The following LOXHD1 variants were observed in gnomAD, a reference collection of about 807,000 sequenced individuals.
LOXHD1 encodes the protein lipoxygenase homology PLAT domains 1, also known as lipoxygenase homology domain-containing protein 1.
Under a neutral mutation model 248.2 loss-of-function variants are expected in LOXHD1, and 205 were observed. The observed-to-expected ratio is 0.83, with a 90% CI of 0.74 to 0.93. LOXHD1 has a LOEUF of 0.93. Ranked by LOEUF, LOXHD1 falls within the 40% of genes least tolerant of loss-of-function variation. The pLI is 0.00. For missense variants in LOXHD1, 2,930 were observed against 2,971.6 expected, an observed-to-expected ratio of 0.99 and a Z score of 0.33; for synonymous variants, 1,113 against 1,162.8, an observed-to-expected ratio of 0.96 and a Z score of 0.87.
chr18:46,531,207 C>G (rs1358800900), intron 28 of LOXHD1, among the ~76,000 whole-genome samples: 3 of 152,092 alleles, frequency 2.0e-5, no homozygotes, highest in African/African-American at 7.2e-5. Flanking sequence ...GGGCAGAAAC[C>G]AGGGACCAGC....
intron 39 of LOXHD1, 51 bp from the exon 40 acceptor site, chr18:46,483,796 G>A: frequency 6.5e-7 from 1 of 1,531,424 alleles, no homozygotes; most frequent in Non-Finnish European, 8.8e-7. Flanking sequence ...CACTGAAGCA[G>A]GTAAGCATTT....
intron 14 of LOXHD1, among the ~76,000 whole-genome samples, chr18:46,572,752 C>G (rs2037778112): frequency 6.6e-6 from 1 of 152,090 alleles, no homozygotes; most frequent in Non-Finnish European, 1.5e-5. Context: ...AGGCCCAGCC[C>G]AGGCTGTCGG....
chr18:46,605,505 C>T (rs962743347), intron 6 of LOXHD1, among the ~76,000 whole-genome samples: 1 of 152,046 alleles, frequency 6.6e-6, no homozygotes, highest in Non-Finnish European at 1.5e-5. Context: ...TAGTGCAAGA[C>T]TCCATCTCAA....
intron 4 of LOXHD1, among the ~76,000 whole-genome samples, chr18:46,624,515 T>C (rs986832522): frequency 4.1e-4 from 63 of 152,192 alleles, no homozygotes; most frequent in Non-Finnish European, 5.4e-4. Context: ...CTCCCAGTCA[T>C]GTAGACTCCA....
At position 46,560,536 on chromosome 18, in the gene LOXHD1, C is replaced by A; in HGVS notation, c.2608G>T (p.Ala870Ser). 2 of 1,528,614 alleles carry A rather than the reference C, an allele frequency of 1.3e-6. No homozygotes were observed. The highest frequency in any genetic ancestry group is 2.4e-5 in the South Asian group (2 of 83,646). 94.7% of individuals were successfully genotyped at this position (1,528,614 alleles called of 1,614,324 possible). Residue 870 changes from alanine to serine, a missense_variant, in exon 19 of 41, where the codon GCC becomes TCC. Physicochemically the swap from Ala to Ser is moderately conservative, Grantham distance 99. Coordinates refer to ENST00000642948, the MANE Select transcript of LOXHD1 (RefSeq NM_001384474.1). ...ASKDTFQLEA[A>S]DVGEVYKLRL... is the part of the protein sequence containing the mutation. ...AGCTTATAGACCTCGCCCACGTCGGCCGCCTCAAGCTGTTCAAAGGGCAGG... is the reference window on the plus strand; with the variant it reads ...AGCTTATAGACCTCGCCCACGTCGGACGCCTCAAGCTGTTCAAAGGGCAGG...
At chr18:46,579,447 G>A (rs2037920024) in intron 13 of LOXHD1, among the ~76,000 whole-genome samples, 183 bp downstream of exon 13, 1 of 152,280 alleles carries the variant, frequency 6.6e-6, no homozygotes, top group Middle Eastern at 3.4e-3. Flanking sequence ...AGGCATTGCT[G>A]TGCCCTCCCA....
At chr18:46,525,905 G>C (rs1269043244) in intron 29 of LOXHD1, among the ~76,000 whole-genome samples, 11 of 152,166 alleles carry the variant, frequency 7.2e-5, no homozygotes, top group Admixed American at 7.2e-4. Context: ...TCAGGTGGTG[G>C]GAACAACATC....
At chr18:46,577,369 A>C (rs541619371) in intron 14 of LOXHD1, among the ~76,000 whole-genome samples, 30 of 152,376 alleles carry the variant, frequency 2.0e-4, no homozygotes, top group African/African-American at 7.2e-4. Context: ...TTAAAAGTTT[A>C]ATTCAATCTG....
intron 37 of LOXHD1, among the ~76,000 whole-genome samples, chr18:46,489,684 T>C (rs1038296044): frequency 6.6e-6 from 1 of 152,178 alleles, no homozygotes; most frequent in Non-Finnish European, 1.5e-5. Context: ...TTCTCCATGC[T>C]CCTATAGCCC....
chr18:46,560,574 G>C (rs749027526), intron 18 of LOXHD1, 29 bp from the exon 19 acceptor site: 169 of 1,500,238 alleles, frequency 1.1e-4, no homozygotes, highest in Non-Finnish European at 1.4e-4. Context: ...AGCGGCTGTC[G>C]TGGCCCCAGC....
At chr18:46,593,824 G>A (rs2038215973) in intron 9 of LOXHD1, 64 bp from the exon 10 acceptor site, 1 of 1,525,304 alleles carries the variant, frequency 6.6e-7, no homozygotes, top group African/African-American at 1.4e-5. Flanking sequence ...TATTACCATG[G>A]GGAAGAAGGA....
At chr18:46,526,084 A>G (rs973211051) in intron 29 of LOXHD1, among the ~76,000 whole-genome samples, 2 of 152,162 alleles carry the variant, frequency 1.3e-5, no homozygotes, top group Non-Finnish European at 1.5e-5. Flanking sequence ...GCAGATGTGG[A>G]TGGGAGCAGT....
intron 6 of LOXHD1, among the ~76,000 whole-genome samples, chr18:46,606,036 G>A (rs2038407929): frequency 6.6e-6 from 1 of 152,172 alleles, no homozygotes; most frequent in Admixed American, 6.5e-5. Flanking sequence ...TTCAACTGAT[G>A]TGCTTAAAAG....
chr18:46,574,794 G>T (rs143970741), intron 14 of LOXHD1, among the ~76,000 whole-genome samples: 1 of 152,210 alleles, frequency 6.6e-6, no homozygotes, highest in East Asian at 1.9e-4. Context: ...ACACATGCTG[G>T]CCAGGAAGGT....
intron 12 of LOXHD1, among the ~76,000 whole-genome samples, chr18:46,580,827 G>A (rs1315753484): frequency 6.6e-6 from 1 of 152,166 alleles, no homozygotes; most frequent in Non-Finnish European, 1.5e-5. Flanking sequence ...TATAAAGTTA[G>A]ATAATTCTGG....
At chr18:46,509,632 GC>G (rs1473571346) in intron 35 of LOXHD1, 65 bp downstream of exon 35, 20 of 1,207,718 alleles carry the variant, frequency 1.7e-5, no homozygotes, top group Non-Finnish European at 2.4e-5. Flanking sequence ...CCATTGACAA[GC>G]CAGAGGAACC....
rs142375852 is a variant in LOXHD1 at position 46,531,827 on chromosome 18, C to T, written c.4375+1335G>A. 3.1e-4 allele frequency among the ~76,000 whole-genome samples: 47 copies of T among 152,312 alleles called. No homozygotes were observed. The East Asian group carries it at 8.7e-3, about 28-fold the overall frequency. ...TCCTGGGACAGCATTCCAGGGCATC[C>T]TCTGGGGTCCAAGTTGAGAAGGAAG... On this transcript the variant is annotated intron_variant, in intron 28 of 40. Coordinates refer to ENST00000642948, the MANE Select transcript of LOXHD1 (RefSeq NM_001384474.1).
In LOXHD1 at chr18:46,545,861, C is replaced by A. The variant is rs1167815743; in HGVS notation, c.3515-440G>T. 1.1e-4 allele frequency among the ~76,000 whole-genome samples: 16 copies of A among 151,842 alleles called. No individual in the cohort carries two copies. In the East Asian group the frequency reaches 3.1e-3, roughly 29 times the overall value. ...AGCCGGGATGGTCTCGATCTCCTGA[C>A]CTCGTGATCCGCCCGCCTCGGCCTC... is the stretch of plus-strand genomic sequence containing the variant. On this transcript the variant is annotated intron_variant, in intron 22 of 40. Coordinates refer to ENST00000642948, the MANE Select transcript of LOXHD1 (RefSeq NM_001384474.1).
chr18:46,525,304 G>A, intron 29 of LOXHD1, among the ~76,000 whole-genome samples: 1 of 152,208 alleles, frequency 6.6e-6, no homozygotes, highest in East Asian at 1.9e-4. Context: ...TGAGCATTGG[G>A]GATAAGTCCA....
Sources: allele counts gnomAD v4.1 joint callset (sites outside exome capture counted in the v4.1 genomes callset), GRCh38; gene constraint gnomAD v4.1.1; transcripts MANE v1.5; gene names NCBI Gene and HGNC (gene_info 2026-07-23, HGNC 2026-07-21).